Variants in CDC45 observed in about 807,000 individuals in gnomAD.
CDC45 encodes cell division cycle 45.
A neutral mutation model predicts 77.8 loss-of-function variants in CDC45; 54 were observed. The ratio of observed to expected loss-of-function variants is 0.69; its 90% confidence interval spans 0.56 to 0.87. CDC45 has a LOEUF of 0.87. Ranked by LOEUF, CDC45 falls within the 40% of genes least tolerant of loss-of-function variation. The pLI, the probability that CDC45 is intolerant of heterozygous loss-of-function variation, is 0.00. For synonymous variants in CDC45, 260 were observed against 272.1 expected (o/e 0.96, Z 0.44); for missense variants, 649 against 721.6 (o/e 0.90, Z 1.15).
chr22:19,493,980 G>A (rs2073921264), intron 5 of CDC45, among the ~76,000 whole-genome samples: 2 of 152,170 alleles, frequency 1.3e-5, no homozygotes, highest in African/African-American at 4.8e-5. Context: ...TCCTGATGTG[G>A]AAGCTGGTAC....
intron 13 of CDC45, among the ~76,000 whole-genome samples, chr22:19,509,009 A>T (rs898396921): frequency 1.4e-4 from 22 of 151,836 alleles, no homozygotes; most frequent in African/African-American, 5.3e-4. Context: ...GTTTAATCTT[A>T]TAGTTGTCAT....
At chr22:19,518,819 G>A (rs763107367) in intron 17 of CDC45, 25 bp from the exon 18 acceptor site, 5 of 1,606,348 alleles carry the variant, frequency 3.1e-6, no homozygotes, top group Non-Finnish European at 3.4e-6. Flanking sequence ...CCCTTCTCAC[G>A]GCTGTTTTTC....
chr22:19,520,109 G>A lies in CDC45; in HGVS notation c.*2-372G>A, dbSNP rs970271522. 3.3e-5 allele frequency among the ~76,000 whole-genome samples: 5 copies of A among 152,104 alleles called. No homozygotes were observed. Among genetic ancestry groups the A allele is most frequent in the African/African-American group, 1.2e-4 (5 of 41,396 alleles). On this transcript the variant is annotated intron_variant, in intron 18 of 18. Transcript: ENST00000263201. This position sits in a 1 kb window ranked among gnomAD's most constrained non-coding sequence, Gnocchi z 4.5. ...GCAGCCTGCTTGGTGGTGATGTTAT[G>A]CTGCTGTGTGTCCTTCCACTGAGGC...
At chr22:19,497,055 C>G (rs1363164755) in intron 7 of CDC45, among the ~76,000 whole-genome samples, 3 of 152,168 alleles carry the variant, frequency 2.0e-5, no homozygotes, top group Non-Finnish European at 4.4e-5. Context: ...TTGGGCATCA[C>G]TGAGGAACAC....
chr22:19,508,167 C>T (rs953628196), intron 12 of CDC45, among the ~76,000 whole-genome samples: 2 of 152,142 alleles, frequency 1.3e-5, no homozygotes, highest in Admixed American at 6.5e-5. Flanking sequence ...GTCTGTTTCA[C>T]TGGAGACAGC....
chr22:19,497,237 C>T (rs2090258398), intron 7 of CDC45, 149 bp from the exon 8 acceptor site: 2 of 691,276 alleles, frequency 2.9e-6, no homozygotes, highest in African/African-American at 1.8e-5. Context: ...ACATGTCGGG[C>T]TGGAATCCAC....
intron 10 of CDC45, 71 bp from the exon 11 acceptor site, chr22:19,507,315 C>T (rs1933248561): frequency 6.4e-7 from 1 of 1,568,030 alleles, no homozygotes; most frequent in South Asian, 1.1e-5. Flanking sequence ...CAGAGTGGCC[C>T]ACCTGCTGGA....
upstream of CDC45, chr22:19,479,518 CCTT>C (rs914711181): frequency 5.2e-6 from 3 of 572,616 alleles, no homozygotes; most frequent in South Asian, 3.1e-5. Flanking sequence ...AGCTACAAAT[CCTT>C]CTTCAAACCA....
chr22:19,509,398 A>G (rs1363610336), intron 13 of CDC45, among the ~76,000 whole-genome samples: 1 of 152,232 alleles, frequency 6.6e-6, no homozygotes, highest in Non-Finnish European at 1.5e-5. Flanking sequence ...AAGATGCATT[A>G]CTGGGCAAGT....
intron 13 of CDC45, among the ~76,000 whole-genome samples, chr22:19,509,204 G>A (rs980911963): frequency 6.6e-6 from 1 of 152,076 alleles, no homozygotes; most frequent in African/African-American, 2.4e-5. Context: ...GAATTTATTT[G>A]GGAATTAGAA....
At chr22:19,506,704 G>A (rs1933200705) in intron 10 of CDC45, among the ~76,000 whole-genome samples, 1 of 152,212 alleles carries the variant, frequency 6.6e-6, no homozygotes, top group Non-Finnish European at 1.5e-5. Flanking sequence ...GGAGGCCAAG[G>A]CAAGTGGATC....
intron 10 of CDC45, among the ~76,000 whole-genome samples, chr22:19,506,703 G>A (rs1440038534): frequency 6.6e-6 from 1 of 152,218 alleles, no homozygotes; most frequent in East Asian, 1.9e-4. Context: ...GGGAGGCCAA[G>A]GCAAGTGGAT....
chr22:19,481,075 G>A (rs1385707925), intron 3 of CDC45, 30 bp downstream of exon 3: 1 of 1,409,624 alleles, frequency 7.1e-7, no homozygotes, highest in Non-Finnish European at 1.0e-6. Flanking sequence ...GAATAACGTG[G>A]CTTTTTACTC....
chr22:19,504,904 C>A (rs1020407815), intron 9 of CDC45: 12 of 181,030 alleles, frequency 6.6e-5, no homozygotes, highest in Non-Finnish European at 9.3e-5. Context: ...CAAGCAGCTA[C>A]GAGGAAGCAG....
At position 19,498,984 on chromosome 22, in the gene CDC45, G is replaced by T. The variant is rs2090292144; in HGVS notation, c.654-117G>T. 46 of 1,128,478 alleles carry T rather than the reference G, an allele frequency of 4.1e-5. 1 individual carries two copies. In the South Asian group the frequency reaches 6.0e-4, roughly 15 times the overall value. 69.9% of individuals were successfully genotyped at this position (1,128,478 alleles called of 1,614,324 possible). ...GGCAAGCCAGGGTCTGGCCCCACTG[G>T]CAGGACATTCCCCAGAGTGCTGAGC... is the stretch of plus-strand genomic sequence containing the variant. On this transcript the variant is annotated intron_variant, in intron 8 of 18. Coordinates refer to ENST00000263201, the MANE Select transcript of CDC45 (RefSeq NM_003504.5).
chr22:19,479,781 T>G (rs1269016422), upstream of CDC45: 18 of 665,330 alleles, frequency 2.7e-5, no homozygotes, highest in Middle Eastern at 4.0e-4. Flanking sequence ...TTTCTGGCCG[T>G]GAATGGCAGA....
chr22:19,519,968 G>A (rs1169698939), intron 18 of CDC45, among the ~76,000 whole-genome samples: 1 of 152,232 alleles, frequency 6.6e-6, no homozygotes, highest in Non-Finnish European at 1.5e-5. Flanking sequence ...CAAAAATGGG[G>A]CCCACTCTCT....
At chr22:19,507,730 G>T (rs779264011) in intron 11 of CDC45, 36 bp from the exon 12 acceptor site, 12 of 1,500,432 alleles carry the variant, frequency 8.0e-6, no homozygotes, top group South Asian at 2.4e-5. Flanking sequence ...GGTGTGTGGT[G>T]ACCTCACTCA....
intron 5 of CDC45, among the ~76,000 whole-genome samples, chr22:19,493,866 C>G (rs1161400649): frequency 1.3e-5 from 2 of 152,240 alleles, no homozygotes; most frequent in African/African-American, 4.8e-5. Context: ...AAACCTACCA[C>G]ATTATTCCAG....
Sources: allele counts gnomAD v4.1 joint callset (sites outside exome capture counted in the v4.1 genomes callset), GRCh38; gene constraint gnomAD v4.1.1; non-coding constraint Gnocchi (gnomAD v3.1); transcripts MANE v1.5; gene names NCBI Gene and HGNC (gene_info 2026-07-23, HGNC 2026-07-21).